LOXL3: variants seen among roughly 807,000 people sequenced by gnomAD.
LOXL3 encodes the protein lysyl oxidase like 3, also known as lysyl oxidase homolog 3.
A neutral mutation model predicts 91.8 loss-of-function variants in LOXL3; 60 were observed. The observed-to-expected ratio is 0.65, with a 90% CI of 0.53 to 0.81. The LOEUF is 0.81. LOXL3 is among the 30% of genes least tolerant of loss of function. LOXL3 has a pLI of 0.00. For missense variants in LOXL3, 874 were observed against 1,000.4 expected, an observed-to-expected ratio of 0.87 and a Z score of 1.70; for synonymous variants, 355 against 387.6, an observed-to-expected ratio of 0.92 and a Z score of 0.99.
At chr2:74,551,782 G>A (rs1472090920) in intron 2 of LOXL3, among the ~76,000 whole-genome samples, 5 of 152,266 alleles carry the variant, frequency 3.3e-5, no homozygotes, top group Non-Finnish European at 5.9e-5. Flanking sequence ...CATGGGCACA[G>A]TCCTAGGCCT....
intron 1 of LOXL3, chr2:74,553,203 T>C (rs1677137210): frequency 6.6e-6 from 1 of 152,642 alleles, no homozygotes; most frequent in Admixed American, 6.5e-5. Context: ...GCTGTACTGA[T>C]TGTGCAGAGA....
chr2:74,542,226 G>A (rs570210860), intron 4 of LOXL3, among the ~76,000 whole-genome samples: 145 of 152,298 alleles, frequency 9.5e-4, no homozygotes, highest in Middle Eastern at 3.4e-3. Context: ...CCAAGAGGTC[G>A]AGGTTGCAGT....
At position 74,552,394 on chromosome 2, in the gene LOXL3, T is replaced by G. The variant is rs1677071778; in HGVS notation, c.241A>C (p.Ile81Leu). Residue 81 changes from isoleucine to leucine, a missense_variant, in exon 2 of 14, where the codon ATC becomes CTC. Ile to Leu is a conservative substitution (Grantham distance 5). Transcript: ENST00000264094. ...GTGAAGCCCAGCTCCCGGCAGAGGA[T>G]GTGGGCAGCCTGCAGCGTGAAGTCA... ...DDDFTLQAAH[I>L]LCRELGFTEA... The G allele has an allele frequency of 4.3e-6, 7 of 1,613,316 alleles. No homozygotes were observed. Among genetic ancestry groups the G allele is most frequent in the Non-Finnish European group, 5.9e-6 (7 of 1,179,444 alleles).
chr2:74,552,272 C>T, intron 2 of LOXL3, 50 bp downstream of exon 2: 2 of 1,538,628 alleles, frequency 1.3e-6, no homozygotes, highest in Non-Finnish European at 1.8e-6. Flanking sequence ...TTTCCCTGCA[C>T]TTTGGCCACA....
intron 4 of LOXL3, among the ~76,000 whole-genome samples, chr2:74,539,248 T>C (rs1335547767): frequency 1.3e-5 from 2 of 152,202 alleles, no homozygotes; most frequent in Admixed American, 1.3e-4. Context: ...GTTATTTTTC[T>C]GTTTCTGGGA....
chr2:74,552,552 G>C lies in LOXL3; in HGVS notation c.83C>G (p.Ser28Cys), dbSNP rs747921472. 3 of 1,612,086 alleles carry C rather than the reference G, an allele frequency of 1.9e-6. No individual in the cohort carries two copies. The highest frequency in any genetic ancestry group is 1.7e-4 in the Middle Eastern group (1 of 6,058). The change falls in exon 2 of 14, where the codon TCC becomes TGC. Residue 28 changes from serine (S) to cysteine (C), a missense_variant. Ser to Cys is a moderately radical substitution (Grantham distance 112). Coordinates refer to ENST00000264094, the MANE Select transcript of LOXL3 (RefSeq NM_032603.5). ...CTTCTTCTCAGGGCCCGTGGAAGGG[G>C]ACGGAGACCCCAAGCACGAACTGCA... ...LLCSSCLGSP[S>C]PSTGPEKKAG...
In LOXL3 at chr2:74,549,389, C is replaced by T. The variant is rs1217677531; in HGVS notation, c.672G>A (p.Arg224=). ...CGMLGFPSEK[R]VNAAFYRLLA... Reference sequence around the variant, plus strand: ...CTCACCTGTAGAAGGCCGCGTTGACCCTCTTTTCGCTGGGGAAGCCCAGCA... The same window carrying T: ...CTCACCTGTAGAAGGCCGCGTTGACTCTCTTTTCGCTGGGGAAGCCCAGCA... Residue 224 remains arginine, a synonymous_variant, in exon 4 of 14, where the codon AGG becomes AGA. Transcript: ENST00000264094. This position sits in a 1 kb window ranked among gnomAD's most constrained non-coding sequence, Gnocchi z 5.3. 2.5e-6 allele frequency: 4 copies of T among 1,609,222 alleles called. No homozygotes were observed. In the East Asian group the frequency reaches 6.7e-5, roughly 27 times the overall value.
rs1675958839 is a variant in LOXL3, at chr2:74,535,446, C to T, written c.1425G>A (p.Trp475Ter). ...GYANHGLQETWYWDSGNITEV... is the reference protein window; with the variant it reads ...GYANHGLQET Reference sequence around the variant, plus strand: ...CTGTTATATTCCCAGAGTCCCAGTACCAGGTCTCCTGGGGACATATGCAGA... The same window carrying T: ...CTGTTATATTCCCAGAGTCCCAGTATCAGGTCTCCTGGGGACATATGCAGA... Residue 475 changes from tryptophan to a stop codon, truncating the protein, a stop_gained, in exon 9 of 14, where the codon TGG becomes TGA. Transcript: ENST00000264094. LOFTEE classifies it high-confidence loss of function. This position sits in a 1 kb window ranked among gnomAD's most constrained non-coding sequence, Gnocchi z 4.2. 1 of 1,613,840 alleles carries T rather than the reference C, an allele frequency of 6.2e-7. No homozygotes were observed.
rs886995147 is a variant in LOXL3, at chr2:74,549,391, T to C, written c.670A>G (p.Arg224Gly). 8 of 1,609,436 alleles carry C rather than the reference T, an allele frequency of 5.0e-6. No homozygotes were observed. Among genetic ancestry groups the C allele is most frequent in the Non-Finnish European group, 6.8e-6 (8 of 1,177,722 alleles). ...CACCTGTAGAAGGCCGCGTTGACCC[T>C]CTTTTCGCTGGGGAAGCCCAGCATC... ...CGMLGFPSEK[R>G]VNAAFYRLLA... Residue 224 changes from arginine to glycine, a missense_variant, in exon 4 of 14, where the codon AGG (arginine) becomes GGG (glycine). Arg to Gly is a moderately radical substitution (Grantham distance 125, BLOSUM62 -2). Transcript: ENST00000264094. This position sits in a 1 kb window ranked among gnomAD's most constrained non-coding sequence, Gnocchi z 5.3.
chr2:74,554,861 T>G, upstream of LOXL3: 2 of 1,609,480 alleles, frequency 1.2e-6, no homozygotes, highest in African/African-American at 1.3e-5. The surrounding 1 kb of genome is among the most constrained non-coding windows in gnomAD (Gnocchi z 4.9). Context: ...TAGTAGTGGG[T>G]GAGAGAGCCC....
chr2:74,540,313 C>T (rs1676254902), intron 4 of LOXL3, among the ~76,000 whole-genome samples: 1 of 152,200 alleles, frequency 6.6e-6, no homozygotes, highest in African/African-American at 2.4e-5. Flanking sequence ...AGTGCTAAAC[C>T]TCAGTGGAGG....
intron 4 of LOXL3, among the ~76,000 whole-genome samples, chr2:74,537,342 C>T (rs374547365): frequency 1.6e-4 from 24 of 152,148 alleles, no homozygotes; most frequent in South Asian, 8.3e-4. Context: ...GCCTGAAAAG[C>T]CAGGGCGAGC....
At chr2:74,538,320 C>A (rs1676137355) in intron 4 of LOXL3, among the ~76,000 whole-genome samples, 1 of 152,082 alleles carries the variant, frequency 6.6e-6, no homozygotes, top group Admixed American at 6.5e-5. Context: ...AAGGGCACTA[C>A]AAGAACATCC....
Position 74,534,240 on chromosome 2 carries a change from G to C in LOXL3, c.1940-4C>G. ...CACTCATACCGCTTGGAGACATCTG[G>C]AGGGATTGGCATATGTCAGTGTAAG... On this transcript the variant is annotated splice_polypyrimidine_tract_variant and splice_region_variant and intron_variant, in intron 11 of 13. Transcript: ENST00000264094. 6.2e-7 allele frequency: 1 copy of C among 1,614,222 alleles called. No individual in the cohort carries two copies. Among genetic ancestry groups the C allele is most frequent in the East Asian group, 2.2e-5 (1 of 44,884 alleles).
upstream of LOXL3, chr2:74,554,471 C>G (rs578125385): frequency 2.9e-5 from 15 of 515,750 alleles, no homozygotes; most frequent in African/African-American, 2.6e-4. The surrounding 1 kb of genome is among the most constrained non-coding windows in gnomAD (Gnocchi z 4.9). Flanking sequence ...GCGCAGCCAC[C>G]ACGCCCAGAG....
chr2:74,547,452 A>G (rs1676663393), intron 4 of LOXL3, among the ~76,000 whole-genome samples: 1 of 152,234 alleles, frequency 6.6e-6, no homozygotes, highest in Non-Finnish European at 1.5e-5. Flanking sequence ...TGGGGTTTAA[A>G]TTAGGGAAGG....
chr2:74,555,108 G>A, upstream of LOXL3: 1 of 1,566,460 alleles, frequency 6.4e-7, no homozygotes, highest in Non-Finnish European at 8.6e-7. This position sits in a 1 kb window ranked among gnomAD's most constrained non-coding sequence, Gnocchi z 6.1. Flanking sequence ...GACCCGGGCC[G>A]CCTGCGCACG....
chr2:74,549,418 C>T lies in LOXL3; in HGVS notation c.643G>A (p.Gly215Arg), dbSNP rs1384532589. 1.2e-6 allele frequency: 2 copies of T among 1,612,586 alleles called. No homozygotes were observed. The highest frequency in any genetic ancestry group is 2.2e-5 in the South Asian group (2 of 90,836). Residue 215 changes from glycine to arginine, a missense_variant, in exon 4 of 14, where the codon GGG becomes AGG. Gly to Arg is a moderately radical substitution (Grantham distance 125, BLOSUM62 -2). Transcript: ENST00000264094. This position sits in a 1 kb window ranked among gnomAD's most constrained non-coding sequence, Gnocchi z 5.3. ...TTTTCGCTGGGGAAGCCCAGCATCC[C>T]GCAGACCACGTGGCTGTTGTGGGCG... is the stretch of plus-strand genomic sequence containing the variant. ...WSAHNSHVVC[G>R]MLGFPSEKRV...
chr2:74,554,450 T>C (rs75192983), upstream of LOXL3: 90,162 of 466,342 alleles, frequency 0.19, 15,092 homozygotes, highest in East Asian at 0.83. This position sits in a 1 kb window ranked among gnomAD's most constrained non-coding sequence, Gnocchi z 4.9. Flanking sequence ...ACCTTGGGCA[T>C]ATGACGTCAC....
Sources: gnomAD v4.1 joint callset for allele counts (sites outside exome capture counted in the v4.1 genomes callset) on GRCh38, gnomAD v4.1.1 for gene constraint, Gnocchi (gnomAD v3.1) non-coding constraint, MANE v1.5 for transcripts, NCBI Gene and HGNC (gene_info 2026-07-23, HGNC 2026-07-21) for gene names.